Variants in SGMS1 observed in about 807,000 individuals in gnomAD.
SGMS1 encodes phosphatidylcholine:ceramide cholinephosphotransferase 1.
A neutral mutation model predicts 46.2 loss-of-function variants in SGMS1; 13 were observed. The ratio of observed to expected loss-of-function variants is 0.28; its 90% CI spans 0.18 to 0.45. The LOEUF is 0.45. SGMS1 is among the 20% of genes least tolerant of loss of function. The pLI is 1.00. For missense variants in SGMS1, 324 were observed against 519.9 expected (o/e 0.62, Z 3.66); for synonymous variants, 203 against 187.8 (o/e 1.08, Z -0.66).
chr10:50,598,548 T>G (rs1336334642), intron 1 of SGMS1, among the ~76,000 whole-genome samples: 1 of 152,192 alleles, frequency 6.6e-6, no homozygotes, highest in African/African-American at 2.4e-5. Context: ...TGGCTGGATA[T>G]CTGACAGTTG....
intron 6 of SGMS1, among the ~76,000 whole-genome samples, chr10:50,428,002 T>C (rs1234108737): frequency 4.6e-5 from 7 of 151,986 alleles, no homozygotes; most frequent in Non-Finnish European, 1.0e-4. Context: ...TGTGTGTGTG[T>C]GCATGTGTGT....
intron 6 of SGMS1, among the ~76,000 whole-genome samples, chr10:50,424,294 C>T (rs1379471229): frequency 6.6e-6 from 1 of 152,134 alleles, no homozygotes; most frequent in East Asian, 1.9e-4. Context: ...TTCTCTATGG[C>T]TGAATAAAGA....
rs191212653 is a variant in SGMS1 at position 50,380,414 on chromosome 10, T to C, written c.-231-36069A>G. Among the ~76,000 whole-genome samples, 7 of 151,184 alleles carry C rather than the reference T, an allele frequency of 4.6e-5. No homozygotes were observed. The East Asian group carries it at 1.4e-3, about 29-fold the overall frequency. ...AAAAAAATTCCTCTCTCCTTTCTAA[T>C]GTTGCAAGCTGTAAAAATAACACCA... On this transcript the variant is annotated intron_variant, in intron 6 of 10. Transcript: ENST00000361781.
chr10:50,328,386 A>C (rs562273074), intron 7 of SGMS1, among the ~76,000 whole-genome samples: 1 of 152,262 alleles, frequency 6.6e-6, no homozygotes, highest in African/African-American at 2.4e-5. Context: ...TCCTCTTAGG[A>C]TCTTGGCCAT....
chr10:50,584,934 G>C (rs955303852), intron 2 of SGMS1, among the ~76,000 whole-genome samples: 1 of 152,138 alleles, frequency 6.6e-6, no homozygotes, highest in African/African-American at 2.4e-5. Flanking sequence ...CCTTTACATT[G>C]GTCTGAGGAC....
intron 8 of SGMS1, among the ~76,000 whole-genome samples, chr10:50,317,558 G>C (rs933686490): frequency 1.3e-5 from 2 of 152,166 alleles, no homozygotes; most frequent in Admixed American, 6.5e-5. Context: ...GAAAACACCT[G>C]CTATTGTTGC....
intron 7 of SGMS1, among the ~76,000 whole-genome samples, chr10:50,337,453 CT>C (rs1212295180): frequency 6.6e-6 from 1 of 152,172 alleles, no homozygotes; most frequent in African/African-American, 2.4e-5. Context: ...CCCCCTCCAA[CT>C]TCATATCAAA....
At chr10:50,554,480 G>A (rs959777883) in intron 2 of SGMS1, among the ~76,000 whole-genome samples, 3 of 152,132 alleles carry the variant, frequency 2.0e-5, no homozygotes, top group African/African-American at 7.2e-5. Context: ...AGCCAGGCAG[G>A]GAAGACAGTT....
chr10:50,371,686 A>G (rs1327627819), intron 6 of SGMS1, among the ~76,000 whole-genome samples: 4 of 152,192 alleles, frequency 2.6e-5, no homozygotes, highest in African/African-American at 7.2e-5. Flanking sequence ...CTCCACTCCC[A>G]TGTCGTCTCT....
Position 50,306,189 on chromosome 10 carries a change from C to T in SGMS1, c.*953G>A, listed in dbSNP as rs1480950176. Reference sequence around the variant, plus strand: ...GGTACATGTCATTGCTACCTGATCACAATATGTGAACAGGCTCTGACTCTA... The same window carrying T: ...GGTACATGTCATTGCTACCTGATCATAATATGTGAACAGGCTCTGACTCTA... On this transcript the variant is annotated 3_prime_UTR_variant, in exon 11 of 11. Transcript: ENST00000361781. 1 of 152,568 alleles carries T rather than the reference C, an allele frequency of 6.6e-6. No homozygotes were observed. The highest frequency in any genetic ancestry group is 2.4e-5 in the African/African-American group (1 of 41,442). The allele number at this position is 152,568 out of a possible 1,614,324, so 9.5% of individuals were successfully genotyped here. A position where few individuals can be genotyped will look rare whatever the true frequency, so the allele number is the denominator to read the frequency against.
intron 6 of SGMS1, among the ~76,000 whole-genome samples, chr10:50,352,222 A>AG (rs1848030935): frequency 6.6e-6 from 1 of 152,304 alleles, no homozygotes; most frequent in Admixed American, 6.5e-5. Flanking sequence ...CACTGCTAAA[A>AG]AGTGGACCCC....
chr10:50,483,238 C>T (rs949117846), intron 3 of SGMS1, among the ~76,000 whole-genome samples: 1 of 152,146 alleles, frequency 6.6e-6, no homozygotes, highest in Non-Finnish European at 1.5e-5. Context: ...CACCACCATA[C>T]TTGGCTAATT....
intron 2 of SGMS1, among the ~76,000 whole-genome samples, chr10:50,560,667 A>G (rs1838229056): frequency 6.7e-6 from 1 of 148,764 alleles, no homozygotes; most frequent in Non-Finnish European, 1.5e-5. Context: ...TATATGTTAC[A>G]CATATTACAT....
chr10:50,619,655 G>A (rs1046881436), intron 1 of SGMS1, among the ~76,000 whole-genome samples: 3 of 152,188 alleles, frequency 2.0e-5, no homozygotes, highest in African/African-American at 7.2e-5. Flanking sequence ...AGCACCAGGA[G>A]TCTAAAAGGT....
chr10:50,436,376 A>C (rs904433241), intron 5 of SGMS1, among the ~76,000 whole-genome samples: 3 of 152,114 alleles, frequency 2.0e-5, no homozygotes, highest in Admixed American at 2.0e-4. Flanking sequence ...CAAAGTGCTA[A>C]CAACCAACTT....
intron 6 of SGMS1, among the ~76,000 whole-genome samples, chr10:50,375,436 A>G (rs374398531): frequency 6.6e-5 from 10 of 152,358 alleles, no homozygotes; most frequent in African/African-American, 2.4e-4. Context: ...GGCATGGCTC[A>G]TGATAGCTAT....
intron 9 of SGMS1, 104 bp downstream of exon 9, chr10:50,311,158 A>T: frequency 7.3e-7 from 1 of 1,371,744 alleles, no homozygotes; most frequent in Non-Finnish European, 1.0e-6. Context: ...TGAAGCCTCC[A>T]GTCTTGCTTC....
At chr10:50,407,536 C>G in intron 6 of SGMS1, among the ~76,000 whole-genome samples, 1 of 152,178 alleles carries the variant, frequency 6.6e-6, no homozygotes, top group East Asian at 1.9e-4. Context: ...CTCCAAACGG[C>G]CTCCTCCAAT....
chr10:50,401,421 C>T (rs751170348), intron 6 of SGMS1, among the ~76,000 whole-genome samples: 11 of 152,144 alleles, frequency 7.2e-5, no homozygotes, highest in Non-Finnish European at 8.8e-5. Flanking sequence ...TACTGAGGCT[C>T]GGAGAGAGTT....
Sources: gnomAD v4.1 joint callset for allele counts (sites outside exome capture counted in the v4.1 genomes callset) on GRCh38, gnomAD v4.1.1 for gene constraint, MANE v1.5 for transcripts, NCBI Gene and HGNC (gene_info 2026-07-23, HGNC 2026-07-21) for gene names.